Variants in TPD52L2 observed in about 807,000 individuals in gnomAD.
TPD52L2 encodes tumor protein D54.
In TPD52L2, 19 loss-of-function variants were observed where a neutral mutation model predicts 24.7. That is an observed-to-expected ratio of 0.77 (90% CI 0.54 to 1.13). The LOEUF (loss-of-function observed/expected upper bound fraction) is 1.13, where lower values mean the gene tolerates loss of function less well. Ranked by LOEUF, TPD52L2 falls within the 50% of genes most tolerant of loss-of-function variation. TPD52L2 has a pLI of 0.00. For synonymous variants in TPD52L2, 104 were observed against 100.2 expected, an observed-to-expected ratio of 1.04 and a Z score of -0.23; for missense variants, 236 against 250.4, an observed-to-expected ratio of 0.94 and a Z score of 0.39.
chr20:63,889,113 C>T, intron 5 of TPD52L2, 77 bp from the exon 6 acceptor site: 1 of 1,328,870 alleles, frequency 7.5e-7, no homozygotes, highest in East Asian at 2.3e-5. Context: ...TGGCCCTAAC[C>T]CTGAGGCCCT....
intron 4 of TPD52L2, 123 bp from the exon 5 acceptor site, chr20:63,882,596 C>G (rs1053421773): frequency 3.9e-6 from 3 of 770,834 alleles, no homozygotes; most frequent in Admixed American, 4.0e-5. Flanking sequence ...TGGCGAGTGT[C>G]CACCCCTTGG....
intron 5 of TPD52L2, among the ~76,000 whole-genome samples, chr20:63,883,356 A>AG (rs1166511457): frequency 1.3e-5 from 2 of 152,160 alleles, no homozygotes; most frequent in Admixed American, 1.3e-4. Flanking sequence ...AGGAGTGAGC[A>AG]GGGGGCCGGC....
At chr20:63,886,077 T>C (rs113246839) in intron 5 of TPD52L2, 2 of 1,611,024 alleles carry the variant, frequency 1.2e-6, no homozygotes, top group Non-Finnish European at 1.7e-6. Context: ...GTGGAAGACT[T>C]TTCTCTGAAT....
In TPD52L2 at chr20:63,865,465, ACT is replaced by A. The variant is rs748175009; in HGVS notation, c.19+86_19+87del. On this transcript the variant is annotated intron_variant, in intron 1 of 6. Transcript: ENST00000346249. ...TCCGTCTCCCGGGGTCGCGTCTGCG[ACT>A]CTCTGTCCTCTCGGTCTCGGTTCAC... is the stretch of plus-strand genomic sequence containing the variant. The A allele has an allele frequency of 1.4e-3, 2,062 of 1,454,582 alleles. 8 individuals carry two copies. The highest frequency in any genetic ancestry group is 1.9e-3 in the South Asian group (145 of 76,526). 90.1% of individuals were successfully genotyped at this position (1,454,582 alleles called of 1,614,324 possible).
rs147105293 is a variant in TPD52L2 at position 63,886,551 on chromosome 20, C to T, written c.477-2639C>T. Among the ~76,000 whole-genome samples the T allele has an allele frequency of 3.9e-3, 595 of 152,006 alleles. 7 individuals carry two copies. In the East Asian group the frequency reaches 0.062, roughly 16 times the overall value. The stretch of plus-strand genomic sequence containing the variant: ...TAATTTTTTGTATTTTTAGTAGAGA[C>T]GGGGTTTCACCGTGGTCTCGATCTC... On this transcript the variant is annotated intron_variant, in intron 5 of 6. Transcript: ENST00000346249.
chr20:63,876,006 A>G (rs1275889812), intron 4 of TPD52L2, 131 bp downstream of exon 4: 2 of 894,894 alleles, frequency 2.2e-6, no homozygotes, highest in African/African-American at 1.7e-5. Flanking sequence ...TCTTCCTATA[A>G]CTTTTCTTCT....
intron 5 of TPD52L2, among the ~76,000 whole-genome samples, chr20:63,886,195 C>T (rs750656371): frequency 1.7e-4 from 26 of 152,150 alleles, no homozygotes; most frequent in Non-Finnish European, 3.5e-4. Context: ...GTGGTTGCTG[C>T]ATCTCAGGGA....
intron 2 of TPD52L2, 62 bp from the exon 3 acceptor site, chr20:63,873,606 T>G (rs556504553): frequency 6.3e-7 from 1 of 1,580,182 alleles, no homozygotes; most frequent in Non-Finnish European, 8.6e-7. Flanking sequence ...GCACTGTGCA[T>G]GAGGATGTTA....
chr20:63,874,231 TGTGTGTG>T (rs1568944671), intron 3 of TPD52L2, among the ~76,000 whole-genome samples: 17 of 128,522 alleles, frequency 1.3e-4, no homozygotes, highest in Admixed American at 7.0e-4. Context: ...TTTTTTTTTG[TGTGTGTG>T]TGTGTGTGTG....
At chr20:63,881,146 G>A (rs182383828) in intron 4 of TPD52L2, among the ~76,000 whole-genome samples, 1 of 152,096 alleles carries the variant, frequency 6.6e-6, no homozygotes, top group Non-Finnish European at 1.5e-5. Context: ...TGGATCACCT[G>A]AGGTCAGGAG....
chr20:63,867,946 T>C (rs1051138967), intron 1 of TPD52L2, among the ~76,000 whole-genome samples: 4 of 144,348 alleles, frequency 2.8e-5, no homozygotes, highest in African/African-American at 1.0e-4. Flanking sequence ...CCAGTTTTTC[T>C]TTTTTTTTTT....
rs565813974 is a variant in TPD52L2, at chr20:63,875,152, A to AATATAT, written c.315-651_315-646dup. Among the ~76,000 whole-genome samples, 28 of 141,746 alleles carry AATATAT rather than the reference A, an allele frequency of 2.0e-4. No homozygotes were observed. The East Asian group carries it at 2.5e-3, about 13-fold the overall frequency. 93.0% of individuals were successfully genotyped at this position (141,746 alleles called of 152,430 possible). A position where few individuals can be genotyped will look rare whatever the true frequency, so the allele number is the denominator to read the frequency against. ...GCAAGACTCTGTCTCAAAAAAAAAAAATATATATATATATATATTTATATA... is the reference window on the plus strand; with the variant it reads ...GCAAGACTCTGTCTCAAAAAAAAAAAATATATATATATATATATATATATTTATATA... On this transcript the variant is annotated intron_variant, in intron 3 of 6. Coordinates refer to ENST00000346249, the MANE Select transcript of TPD52L2 (RefSeq NM_003288.4).
intron 3 of TPD52L2, among the ~76,000 whole-genome samples, chr20:63,874,019 A>G (rs1351035984): frequency 2.0e-5 from 3 of 151,944 alleles, no homozygotes; most frequent in East Asian, 3.9e-4. Context: ...TGGTGTCTAC[A>G]TGTGTTTTAT....
rs2052710671 is a variant in TPD52L2, at chr20:63,877,004, T to C, written c.374+1129T>C. On this transcript the variant is annotated intron_variant, in intron 4 of 6. Transcript: ENST00000346249. The surrounding 1 kb of genome is among the most constrained non-coding windows in gnomAD (Gnocchi z 4.1). Reference sequence around the variant, plus strand: ...CTGGGGACCCGGGTGGTTCATGGCATGTTGCCCTGGGTTTTTTTTGTTTGT... The same window carrying C: ...CTGGGGACCCGGGTGGTTCATGGCACGTTGCCCTGGGTTTTTTTTGTTTGT... 1 of 450,648 alleles carries C rather than the reference T, an allele frequency of 2.2e-6. No homozygotes were observed. Among genetic ancestry groups the C allele is most frequent in the South Asian group, 1.6e-5 (1 of 63,678 alleles). 27.9% of individuals were successfully genotyped at this position (450,648 alleles called of 1,614,324 possible).
rs1438840326 is a variant in TPD52L2, at chr20:63,877,034, T to C, written c.374+1159T>C. The C allele has an allele frequency of 2.5e-6, 1 of 399,436 alleles. No individual in the cohort carries two copies. Among genetic ancestry groups the C allele is most frequent in the Non-Finnish European group, 4.9e-6 (1 of 203,980 alleles). The allele number at this position is 399,436 out of a possible 1,614,324, so 24.7% of individuals were successfully genotyped here. ...CCCTGGGTTTTTTTTGTTTGTTTGG[T>C]TTTTTTTTTGAGACAACGTCTCGTT... On this transcript the variant is annotated intron_variant, in intron 4 of 6. Coordinates refer to ENST00000346249, the MANE Select transcript of TPD52L2 (RefSeq NM_003288.4). This position sits in a 1 kb window ranked among gnomAD's most constrained non-coding sequence, Gnocchi z 4.1.
chr20:63,875,815 G>C lies in TPD52L2; in HGVS notation c.315-1G>C, dbSNP rs2052652226. On this transcript the variant is annotated splice_acceptor_variant, in intron 3 of 6. Transcript: ENST00000346249. LOFTEE classifies it high-confidence loss of function. The stretch of plus-strand genomic sequence containing the variant: ...ATTCACTGTAGACTTTCTGTTTTTA[G>C]CTATGTGAAAACTTCTGAGAAACTT... 1.2e-6 allele frequency: 2 copies of C among 1,614,020 alleles called. No individual in the cohort carries two copies. The highest frequency in any genetic ancestry group is 8.5e-7 in the Non-Finnish European group (1 of 1,179,904).
In TPD52L2 at chr20:63,869,385, G is replaced by A; in HGVS notation, c.109G>A (p.Ala37Thr). The A allele has an allele frequency of 6.2e-7, 1 of 1,614,244 alleles. No individual in the cohort carries two copies. Among genetic ancestry groups the A allele is most frequent in the Non-Finnish European group, 8.5e-7 (1 of 1,180,050 alleles). The part of the protein sequence containing the change: ...VDTGVAARTP[A>T]VEGLTEAEEE... The stretch of plus-strand genomic sequence containing the variant: ...CACAGGTGTGGCTGCCCGGACTCCT[G>A]CTGTTGAGGGTCTGACAGAGGCTGA... Residue 37 changes from alanine to threonine, a missense_variant, in exon 2 of 7, where the codon GCT (alanine) becomes ACT (threonine). Transcript: ENST00000346249.
Position 63,877,666 on chromosome 20 carries a change from C to T in TPD52L2, c.374+1791C>T, listed in dbSNP as rs1351796612. ...GTAAAACCAACTGACATAAAGCTGC[C>T]GGGATCCTATTTCAAATAAATAGTG... is the stretch of plus-strand genomic sequence containing the variant. On this transcript the variant is annotated intron_variant, in intron 4 of 6. Transcript: ENST00000346249. This position sits in a 1 kb window ranked among gnomAD's most constrained non-coding sequence, Gnocchi z 4.1. Among the ~76,000 whole-genome samples, 1 of 152,210 alleles carries T rather than the reference C, an allele frequency of 6.6e-6. No individual in the cohort carries two copies. The highest frequency in any genetic ancestry group is 1.5e-5 in the Non-Finnish European group (1 of 68,030).
intron 3 of TPD52L2, 93 bp downstream of exon 3, chr20:63,873,909 A>C: frequency 7.3e-7 from 1 of 1,369,354 alleles, no homozygotes; most frequent in South Asian, 1.7e-5. Flanking sequence ...ATGCCCAGGG[A>C]CGAGTTGCAG....
Sources: allele counts gnomAD v4.1 joint callset (sites outside exome capture counted in the v4.1 genomes callset), GRCh38; gene constraint gnomAD v4.1.1; non-coding constraint Gnocchi (gnomAD v3.1); transcripts MANE v1.5; gene names NCBI Gene and HGNC (gene_info 2026-07-23, HGNC 2026-07-21).